Variants in ZNF609 observed in about 807,000 individuals in gnomAD.
ZNF609 encodes zinc finger protein 609.
In ZNF609, 11 loss-of-function variants were observed where a neutral mutation model predicts 109.5. That is an observed-to-expected ratio of 0.10 (90% confidence interval 0.06 to 0.17). ZNF609 has a LOEUF of 0.17. ZNF609 is among the 10% of genes least tolerant of loss of function. ZNF609 has a pLI of 1.00. For synonymous variants in ZNF609, 646 were observed against 662.0 expected (o/e 0.98, Z 0.37); for missense variants, 1,559 against 1,772.4 (o/e 0.88, Z 2.16).
At chr15:64,505,474 TAATTG>T (rs1342701532) in intron 2 of ZNF609, among the ~76,000 whole-genome samples, 2 of 152,196 alleles carry the variant, frequency 1.3e-5, no homozygotes, top group African/African-American at 4.8e-5. Context: ...GTCAGTACAT[TAATTG>T]AATGCATTTT....
chr15:64,609,976 C>A (rs1169835450), intron 2 of ZNF609, among the ~76,000 whole-genome samples: 1 of 151,878 alleles, frequency 6.6e-6, no homozygotes, highest in Non-Finnish European at 1.5e-5. Flanking sequence ...CAAGCCACTG[C>A]ACTCCAGCCT....
intron 1 of ZNF609, among the ~76,000 whole-genome samples, chr15:64,475,980 T>G (rs1893164496): frequency 1.3e-5 from 2 of 152,186 alleles, no homozygotes; most frequent in Non-Finnish European, 1.5e-5. Context: ...GTGAATGCCT[T>G]GAGAAATTGT....
chr15:64,579,485 T>C (rs963663987), intron 2 of ZNF609, among the ~76,000 whole-genome samples: 1 of 148,376 alleles, frequency 6.7e-6, no homozygotes, highest in Admixed American at 6.8e-5. Flanking sequence ...CCTAGGCAGG[T>C]GGATCATTTG....
chr15:64,668,122 A>AG (rs1237741270), intron 3 of ZNF609, among the ~76,000 whole-genome samples: 1 of 152,216 alleles, frequency 6.6e-6, no homozygotes, highest in Non-Finnish European at 1.5e-5. Context: ...AGACAGAGAA[A>AG]GGGGAAAAAG....
intron 2 of ZNF609, among the ~76,000 whole-genome samples, chr15:64,507,128 A>G (rs1479747067): frequency 1.3e-5 from 2 of 152,156 alleles, no homozygotes. Context: ...TTCTGGCCAT[A>G]TCCCTGGCAT....
intron 3 of ZNF609, among the ~76,000 whole-genome samples, chr15:64,661,444 G>A (rs764538026): frequency 3.9e-5 from 6 of 152,170 alleles, no homozygotes; most frequent in Non-Finnish European, 1.5e-5. Context: ...AAGCATGTAT[G>A]TGTGCTAATC....
chr15:64,676,928 T>C (rs1896818109), intron 5 of ZNF609, among the ~76,000 whole-genome samples: 1 of 151,682 alleles, frequency 6.6e-6, no homozygotes, highest in African/African-American at 2.4e-5. Context: ...TAATTTTTTG[T>C]ATTTTTAGTA....
At chr15:64,540,402 T>A (rs1007731630) in intron 2 of ZNF609, among the ~76,000 whole-genome samples, 2 of 152,074 alleles carry the variant, frequency 1.3e-5, no homozygotes, top group Non-Finnish European at 2.9e-5. Context: ...TGTGTTTTGT[T>A]TTTTATTTTT....
At chr15:64,623,093 C>T (rs772950942) in intron 3 of ZNF609, 41 bp downstream of exon 3, 49 of 1,589,102 alleles carry the variant, frequency 3.1e-5, no homozygotes, top group Non-Finnish European at 4.2e-5. Flanking sequence ...TCTCAACCTG[C>T]TTCTGCAGGG....
intron 3 of ZNF609, among the ~76,000 whole-genome samples, chr15:64,643,055 C>T (rs746191131): frequency 3.3e-5 from 5 of 152,162 alleles, no homozygotes; most frequent in African/African-American, 4.8e-5. Flanking sequence ...CACATACTCT[C>T]TAATCACATG....
chr15:64,568,162 A>G (rs1894807250), intron 2 of ZNF609, among the ~76,000 whole-genome samples: 1 of 152,168 alleles, frequency 6.6e-6, no homozygotes, highest in Admixed American at 6.5e-5. Context: ...CAAATACTTT[A>G]TCATGACTCT....
chr15:64,657,175 C>T (rs1896502244), intron 3 of ZNF609, among the ~76,000 whole-genome samples: 1 of 151,108 alleles, frequency 6.6e-6, no homozygotes, highest in Non-Finnish European at 1.5e-5. Flanking sequence ...AGGAGAATCA[C>T]TTGAACCCAG....
intron 3 of ZNF609, among the ~76,000 whole-genome samples, chr15:64,646,035 A>G (rs754551265): frequency 3.3e-5 from 5 of 152,234 alleles, no homozygotes; most frequent in Non-Finnish European, 5.9e-5. Flanking sequence ...TCCTAGGTAT[A>G]TACTTAAAAG....
chr15:64,557,146 T>G (rs1894602045), intron 2 of ZNF609, among the ~76,000 whole-genome samples: 1 of 151,862 alleles, frequency 6.6e-6, no homozygotes, highest in Non-Finnish European at 1.5e-5. Context: ...CTAAAATATC[T>G]GCCACTGAGC....
chr15:64,668,132 G>A (rs937315262), intron 3 of ZNF609, among the ~76,000 whole-genome samples: 3 of 152,150 alleles, frequency 2.0e-5, no homozygotes, highest in Non-Finnish European at 2.9e-5. Context: ...AGGGGAAAAA[G>A]TAATAACAAA....
At chr15:64,493,501 A>G (rs1484449541) in intron 1 of ZNF609, among the ~76,000 whole-genome samples, 1 of 152,198 alleles carries the variant, frequency 6.6e-6, no homozygotes, top group Non-Finnish European at 1.5e-5. Flanking sequence ...AATACAGGGT[A>G]TGGAAAGTGA....
At position 64,676,052 on chromosome 15, in the gene ZNF609, G is replaced by A. The variant is rs776758161; in HGVS notation, c.3198G>A (p.Lys1066=). 12 of 1,614,230 alleles carry A rather than the reference G, an allele frequency of 7.4e-6. 1 individual carries two copies. In the Admixed American group the frequency reaches 8.3e-5, roughly 11 times the overall value. Residue 1066 remains lysine, a synonymous_variant, in exon 5 of 10, where the codon AAG becomes AAA. Coordinates refer to ENST00000326648, the MANE Select transcript of ZNF609 (RefSeq NM_015042.2). ...LTDLVKSGPG[K]AKEPGADPAK... ...ACCTGGTGAAATCAGGACCTGGCAA[G>A]GCCAAGGAGCCAGGGGCTGACCCAG...
At chr15:64,663,861 G>GT (rs1307189151) in intron 3 of ZNF609, among the ~76,000 whole-genome samples, 1 of 152,122 alleles carries the variant, frequency 6.6e-6, no homozygotes, top group Non-Finnish European at 1.5e-5. Context: ...ATGTTTTGAG[G>GT]TTTTGAATTA....
rs528208903 is a variant in ZNF609, at chr15:64,552,338, T to C, written c.747+52172T>C. Among the ~76,000 whole-genome samples the C allele has an allele frequency of 1.2e-3, 180 of 152,268 alleles. 1 individual carries two copies. Among genetic ancestry groups the C allele is most frequent in the Middle Eastern group, 3.4e-3 (1 of 294 alleles). On this transcript the variant is annotated intron_variant, in intron 2 of 9. Coordinates refer to ENST00000326648, the MANE Select transcript of ZNF609 (RefSeq NM_015042.2). ...CAACTTTAGTTAATTTTTATATATG[T>C]TGCAAGGTATGGATTAAAATGGTTT...
Sources: gnomAD v4.1 joint callset for allele counts (sites outside exome capture counted in the v4.1 genomes callset) on GRCh38, gnomAD v4.1.1 for gene constraint, MANE v1.5 for transcripts, NCBI Gene and HGNC (gene_info 2026-07-23, HGNC 2026-07-21) for gene names.